The following TWIST2 variants were observed in gnomAD, a reference collection of about 807,000 sequenced individuals.
TWIST2 encodes twist family bHLH transcription factor 2.
Under a neutral mutation model 11.6 loss-of-function variants are expected in TWIST2, and 1 was observed. That is an observed-to-expected ratio of 0.09 (90% CI 0.03 to 0.41). The LOEUF is 0.41. Ranked by LOEUF, TWIST2 falls within the 10% of genes least tolerant of loss-of-function variation. The probability of loss-of-function intolerance (pLI) is 0.98; values close to 1 mark genes in which losing one functional copy is unlikely to be tolerated. For synonymous variants in TWIST2, 87 were observed against 96.6 expected, an observed-to-expected ratio of 0.90 and a Z score of 0.58; for missense variants, 168 against 226.4, an observed-to-expected ratio of 0.74 and a Z score of 1.66.
chr2:238,852,407 A>G (rs1692258185), intron 1 of TWIST2, among the ~76,000 whole-genome samples: 1 of 152,238 alleles, frequency 6.6e-6, no homozygotes, highest in African/African-American at 2.4e-5. Flanking sequence ...TGCAAAAAGC[A>G]AACCAAATAC....
At position 238,867,874 on chromosome 2, in the gene TWIST2, G is replaced by A. The variant is rs1037912296; in HGVS notation, c.*35+19141G>A. Among the ~76,000 whole-genome samples the A allele has an allele frequency of 1.3e-5, 2 of 152,318 alleles. No individual in the cohort carries two copies. Among genetic ancestry groups the A allele is most frequent in the South Asian group, 2.1e-4 (1 of 4,830 alleles). The stretch of plus-strand genomic sequence containing the variant: ...TGGGAGGCAAAGGCTGGGGATGGCC[G>A]GATGGCCCTGGGACCAGCAGAAGGA... On this transcript the variant is annotated intron_variant, in intron 1 of 1. Transcript: ENST00000612363. The surrounding 1 kb of genome is among the most constrained non-coding windows in gnomAD (Gnocchi z 4.8).
intron 1 of TWIST2, among the ~76,000 whole-genome samples, chr2:238,900,525 G>A (rs965859183): frequency 1.3e-5 from 2 of 152,200 alleles, no homozygotes; most frequent in Non-Finnish European, 2.9e-5. Context: ...GAAGCCCCAG[G>A]AATACCTTTC....
intron 1 of TWIST2, among the ~76,000 whole-genome samples, chr2:238,901,820 G>T (rs1693271635): frequency 6.6e-6 from 1 of 152,050 alleles, no homozygotes; most frequent in African/African-American, 2.4e-5. Flanking sequence ...TGGCAGCTGG[G>T]ACTTCTCCAT....
intron 1 of TWIST2, among the ~76,000 whole-genome samples, chr2:238,874,380 C>T (rs550339500): frequency 3.9e-5 from 6 of 152,264 alleles, no homozygotes; most frequent in Non-Finnish European, 7.4e-5. Context: ...TCCATGTTAT[C>T]GTGTCTTAAA....
intron 1 of TWIST2, among the ~76,000 whole-genome samples, chr2:238,883,502 G>A (rs903563735): frequency 5.3e-5 from 8 of 152,206 alleles, no homozygotes; most frequent in Admixed American, 3.3e-4. Flanking sequence ...GAGAAGGGAC[G>A]GGAGATGCCA....
intron 1 of TWIST2, chr2:238,887,128 A>G (rs1453140928): frequency 2.0e-5 from 3 of 151,894 alleles, no homozygotes; most frequent in Non-Finnish European, 4.4e-5. Flanking sequence ...CACCAGCAAC[A>G]CTGCCAACAC....
In TWIST2 at chr2:238,878,541, G is replaced by A. The variant is rs150740216; in HGVS notation, c.*35+29808G>A. ...CCTGGTGATTGTCAGAGGCCAGCCT[G>A]TGGGGACAAGGGTCACCTCTCGCCA... On this transcript the variant is annotated intron_variant, in intron 1 of 1. Transcript: ENST00000612363. 3.3e-3 allele frequency among the ~76,000 whole-genome samples: 502 copies of A among 152,338 alleles called. 4 individuals are homozygous for A. Among genetic ancestry groups the A allele is most frequent in the African/African-American group, 0.011 (474 of 41,562 alleles).
At chr2:238,896,420 C>G (rs1161454863) in intron 1 of TWIST2, among the ~76,000 whole-genome samples, 1 of 152,198 alleles carries the variant, frequency 6.6e-6, no homozygotes, top group Non-Finnish European at 1.5e-5. Context: ...CCGGAAGTCC[C>G]TCTGGAGGCC....
At chr2:238,884,157 G>C (rs1248856567) in intron 1 of TWIST2, among the ~76,000 whole-genome samples, 2 of 152,216 alleles carry the variant, frequency 1.3e-5, no homozygotes, top group Admixed American at 6.5e-5. Context: ...AATGGGGCCG[G>C]CACTTACAAG....
intron 1 of TWIST2, among the ~76,000 whole-genome samples, chr2:238,892,541 C>A (rs1475009594): frequency 6.6e-6 from 1 of 152,072 alleles, no homozygotes; most frequent in Non-Finnish European, 1.5e-5. Context: ...AGTGCAGTGG[C>A]GTGATCTCGG....
intron 1 of TWIST2, among the ~76,000 whole-genome samples, chr2:238,881,332 T>C (rs1692924089): frequency 6.7e-6 from 1 of 148,960 alleles, no homozygotes. Flanking sequence ...GGTGTTAATA[T>C]TAGCATTAGT....
intron 1 of TWIST2, among the ~76,000 whole-genome samples, chr2:238,850,656 T>G (rs2106347111): frequency 6.6e-6 from 1 of 152,252 alleles, no homozygotes; most frequent in African/African-American, 2.4e-5. Context: ...CATTAAAGAT[T>G]ATAGAAAAAT....
rs141023943 is a variant in TWIST2 at position 238,887,366 on chromosome 2, C to T, written c.*36-22476C>T. The stretch of plus-strand genomic sequence containing the variant: ...ATCTCGCTCTCTCTGTCTCTTTCCC[C>T]ATGAGACTTACACTCTTCCGGCCAG... On this transcript the variant is annotated intron_variant, in intron 1 of 1. Transcript: ENST00000612363. 22 of 152,310 alleles carry T rather than the reference C, an allele frequency of 1.4e-4. No individual in the cohort carries two copies. The East Asian group carries it at 3.7e-3, about 25-fold the overall frequency. 9.4% of individuals were successfully genotyped at this position (152,310 alleles called of 1,614,324 possible).
chr2:238,888,026 A>G (rs1488376019), intron 1 of TWIST2, among the ~76,000 whole-genome samples: 1 of 152,172 alleles, frequency 6.6e-6, no homozygotes, highest in East Asian at 1.9e-4. Context: ...GGGCCATTTA[A>G]AATTCATGTG....
chr2:238,907,842 A>AC (rs1379454186), intron 1 of TWIST2, among the ~76,000 whole-genome samples: 143,658 of 144,362 alleles, frequency 1, 71,477 homozygotes, highest in Middle Eastern at 1. Flanking sequence ...CTACACACAC[A>AC]CCCCCACACT....
intron 1 of TWIST2, among the ~76,000 whole-genome samples, chr2:238,853,382 G>GGA (rs374173009): frequency 2.0e-3 from 273 of 139,980 alleles, no homozygotes; most frequent in Admixed American, 3.4e-3. Context: ...GAGGAGGGAG[G>GGA]GAGAGAGAGA....
chr2:238,864,452 TAAAC>T lies in TWIST2; in HGVS notation c.*35+15721_*35+15724del, dbSNP rs1692495382. 6.6e-6 allele frequency among the ~76,000 whole-genome samples: 1 copy of T among 152,076 alleles called. No individual in the cohort carries two copies. Among genetic ancestry groups the T allele is most frequent in the Non-Finnish European group, 1.5e-5 (1 of 68,012 alleles). ...GCTTTTTGTCCTCTGGCTGTGCAAATAAACAGAGCAGGAAGGTTTGAATGGGCCA... is the reference window on the plus strand; with the variant it reads ...GCTTTTTGTCCTCTGGCTGTGCAAATAGAGCAGGAAGGTTTGAATGGGCCA... On this transcript the variant is annotated intron_variant, in intron 1 of 1. Coordinates refer to ENST00000612363, the MANE Select transcript of TWIST2 (RefSeq NM_001271893.4). This position sits in a 1 kb window ranked among gnomAD's most constrained non-coding sequence, Gnocchi z 4.7.
chr2:238,859,275 T>C (rs1293200707), intron 1 of TWIST2, among the ~76,000 whole-genome samples: 2 of 151,674 alleles, frequency 1.3e-5, no homozygotes, highest in Non-Finnish European at 2.9e-5. Context: ...AACATTATGC[T>C]AAGCTCAAGA....
intron 1 of TWIST2, among the ~76,000 whole-genome samples, chr2:238,854,995 C>T (rs959311771): frequency 2.0e-5 from 3 of 152,276 alleles, no homozygotes; most frequent in East Asian, 3.9e-4. Context: ...TCAGAGGGCT[C>T]GGAGTGGCAA....
Sources: allele counts gnomAD v4.1 joint callset (sites outside exome capture counted in the v4.1 genomes callset), GRCh38; gene constraint gnomAD v4.1.1; non-coding constraint Gnocchi (gnomAD v3.1); transcripts MANE v1.5; gene names NCBI Gene and HGNC (gene_info 2026-07-23, HGNC 2026-07-21).